GPR155: variants seen among roughly 807,000 people sequenced by gnomAD.
GPR155 encodes G protein-coupled receptor 155.
In GPR155, 65 loss-of-function variants were observed where a neutral mutation model predicts 93.1. That is an observed-to-expected ratio of 0.70 (90% confidence interval 0.57 to 0.86). The LOEUF is 0.86. Among genes scored for constraint, GPR155 ranks in the 40% least tolerant of loss-of-function variants. The probability of loss-of-function intolerance (pLI) is 0.00; values close to 1 mark genes in which losing one functional copy is unlikely to be tolerated. For missense variants in GPR155, 838 were observed against 1,034.8 expected, an observed-to-expected ratio of 0.81 and a Z score of 2.61; for synonymous variants, 319 against 360.1, an observed-to-expected ratio of 0.89 and a Z score of 1.29.
chr2:174,467,033 T>C (rs1360819156), intron 5 of GPR155, among the ~76,000 whole-genome samples: 1 of 151,930 alleles, frequency 6.6e-6, no homozygotes, highest in Non-Finnish European at 1.5e-5. Context: ...GGCGGGCGCC[T>C]GTAATCCCAG....
intron 1 of GPR155, among the ~76,000 whole-genome samples, chr2:174,485,325 A>G (rs886341599): frequency 3.3e-5 from 5 of 152,188 alleles, no homozygotes; most frequent in African/African-American, 1.2e-4. Flanking sequence ...GGCCGGGCGC[A>G]GTGGCTCACG....
rs751618367 is a variant in GPR155 at position 174,465,824 on chromosome 2, G to A, written c.1345C>T (p.Leu449=). ...NFVGQILVFV[L]LYSSLYSTYL... The stretch of plus-strand genomic sequence containing the variant: ...GTGCTATAGAGGGAGCTGTACAATA[G>A]AACAAACACCAAAATTTGTCCAACA... The change falls in exon 7 of 16, where the codon CTA becomes TTA. Residue 449 remains leucine (L), a synonymous_variant. Transcript: ENST00000392552. 8 of 1,605,628 alleles carry A rather than the reference G, an allele frequency of 5.0e-6. No individual in the cohort carries two copies. The highest frequency in any genetic ancestry group is 6.8e-6 in the Non-Finnish European group (8 of 1,173,170).
chr2:174,448,910 CT>C (rs1376746881), intron 11 of GPR155, among the ~76,000 whole-genome samples: 2 of 152,122 alleles, frequency 1.3e-5, no homozygotes, highest in Non-Finnish European at 2.9e-5. Context: ...AACTAAAGAG[CT>C]TCTGCATAGC....
intron 11 of GPR155, among the ~76,000 whole-genome samples, chr2:174,450,696 A>T (rs1490206236): frequency 6.6e-6 from 1 of 152,172 alleles, no homozygotes; most frequent in African/African-American, 2.4e-5. Flanking sequence ...TTTTTTTTAC[A>T]AAATAGATGT....
intron 3 of GPR155, among the ~76,000 whole-genome samples, chr2:174,470,800 A>G (rs1687973875): frequency 6.6e-6 from 1 of 152,210 alleles, no homozygotes; most frequent in Non-Finnish European, 1.5e-5. Flanking sequence ...AGGAGGGAAA[A>G]AAAGATGTTT....
intron 14 of GPR155, among the ~76,000 whole-genome samples, chr2:174,441,723 TTGTGTGTGTGTGTGTG>T (rs3043735): frequency 6.8e-6 from 1 of 148,092 alleles, no homozygotes; most frequent in Non-Finnish European, 1.5e-5. Flanking sequence ...ATCAGTATCT[TTGTGTGTGTGTGTGTG>T]TGTGTGTGTG....
At position 174,441,421 on chromosome 2, in the gene GPR155, AT is replaced by A. The variant is rs1224167269; in HGVS notation, c.2174+697del. On this transcript the variant is annotated intron_variant, in intron 14 of 15. Coordinates refer to ENST00000392552, the MANE Select transcript of GPR155 (RefSeq NM_152529.7). ...ATTAAAATATATATATATTTAAAAA[AT>A]TTTTTTTAATTTTTATTTTTATTAT... 3.3e-5 allele frequency among the ~76,000 whole-genome samples: 5 copies of A among 151,206 alleles called. No homozygotes were observed. The East Asian group carries it at 9.7e-4, about 29-fold the overall frequency.
chr2:174,470,756 C>A (rs1687972319), intron 3 of GPR155, among the ~76,000 whole-genome samples: 1 of 151,958 alleles, frequency 6.6e-6, no homozygotes, highest in Admixed American at 6.6e-5. Flanking sequence ...TAAAGTGTAA[C>A]AATATTCTGG....
In GPR155 at chr2:174,436,188, T is replaced by C; in HGVS notation, c.2541A>G (p.Ala847=). ...TATATCTTTCCTGTTGGAGAGTGTTTGCATTAATAGCAGGAGGACTCTGTT... is the reference window on the plus strand; with the variant it reads ...TATATCTTTCCTGTTGGAGAGTGTTCGCATTAATAGCAGGAGGACTCTGTT... ...SPEQSPPAIN[A]NTLQQERYKE... The change falls in exon 16 of 16, where the codon GCA becomes GCG. Residue 847 remains alanine (A), a synonymous_variant. Transcript: ENST00000392552. The C allele has an allele frequency of 6.2e-7, 1 of 1,613,952 alleles. No homozygotes were observed. Among genetic ancestry groups the C allele is most frequent in the Non-Finnish European group, 8.5e-7 (1 of 1,179,790 alleles).
intron 1 of GPR155, among the ~76,000 whole-genome samples, chr2:174,485,474 G>A (rs1026048370): frequency 1.3e-5 from 2 of 151,926 alleles, no homozygotes; most frequent in African/African-American, 2.4e-5. Flanking sequence ...GCAGATGCCT[G>A]TAATCCCAGC....
intron 14 of GPR155, among the ~76,000 whole-genome samples, chr2:174,441,299 T>C (rs1686950898): frequency 6.6e-6 from 1 of 152,002 alleles, no homozygotes; most frequent in Non-Finnish European, 1.5e-5. Flanking sequence ...TATATTTTCT[T>C]AGGTTTATAA....
intron 15 of GPR155, among the ~76,000 whole-genome samples, chr2:174,439,431 A>G (rs2105663486): frequency 6.6e-6 from 1 of 152,328 alleles, no homozygotes; most frequent in Non-Finnish European, 1.5e-5. Flanking sequence ...GTCACAGACT[A>G]AAGATTAGAA....
chr2:174,442,706 TA>T (rs35803451), intron 13 of GPR155, among the ~76,000 whole-genome samples: 37,996 of 152,062 alleles, frequency 0.25, 5,695 homozygotes, highest in Middle Eastern at 0.47. Context: ...TAGGACAATT[TA>T]AAGACTCTTT....
At position 174,468,933 on chromosome 2, in the gene GPR155, A is replaced by G; in HGVS notation, c.1161T>C (p.Ser387=). 6.2e-7 allele frequency: 1 copy of G among 1,613,990 alleles called. No homozygotes were observed. The highest frequency in any genetic ancestry group is 1.3e-5 in the African/African-American group (1 of 75,064). ...TTACCAAGGAGATCAGGCTGACAATACTTATATCAAAACTAACATTCTGGA... is the reference window on the plus strand; with the variant it reads ...TTACCAAGGAGATCAGGCTGACAATGCTTATATCAAAACTAACATTCTGGA... ...YAIQNVSFDI[S]IVSLISLIWS... Residue 387 remains serine, a synonymous_variant, in exon 5 of 16, where the codon AGT becomes AGC. Transcript: ENST00000392552.
chr2:174,450,351 T>TA (rs1172263757), intron 11 of GPR155, among the ~76,000 whole-genome samples: 1 of 152,012 alleles, frequency 6.6e-6, no homozygotes, highest in Admixed American at 6.6e-5. Context: ...GGGCAAGGGC[T>TA]AAAAAACTAC....
intron 10 of GPR155, among the ~76,000 whole-genome samples, chr2:174,458,442 C>A (rs1687584532): frequency 6.6e-6 from 1 of 152,152 alleles, no homozygotes; most frequent in Non-Finnish European, 1.5e-5. Flanking sequence ...TCTGTGAATT[C>A]TTCTTAGGTA....
intron 4 of GPR155, among the ~76,000 whole-genome samples, chr2:174,470,032 T>C (rs1289365084): frequency 3.3e-5 from 5 of 152,228 alleles, no homozygotes; most frequent in Non-Finnish European, 5.9e-5. Flanking sequence ...CAGCTAATGT[T>C]TGTATTTTTA....
At chr2:174,461,935 G>A (rs1687709053) in intron 7 of GPR155, among the ~76,000 whole-genome samples, 2 of 151,476 alleles carry the variant, frequency 1.3e-5, no homozygotes, top group South Asian at 4.2e-4. Flanking sequence ...TTTCTCTCTG[G>A]TTTTTGTTGT....
rs200365350 is a variant in GPR155, at chr2:174,448,523, GT to G, written c.1877-1777del. On this transcript the variant is annotated intron_variant, in intron 11 of 15. Coordinates refer to ENST00000392552, the MANE Select transcript of GPR155 (RefSeq NM_152529.7). Reference sequence around the variant, plus strand: ...TATACTGGGAAGTTTTTTGTTTTTTGTTTTTTGTTTTTTTTTTTTTTTTTTG... The same window carrying G: ...TATACTGGGAAGTTTTTTGTTTTTTGTTTTTGTTTTTTTTTTTTTTTTTTG... 4.1e-3 allele frequency among the ~76,000 whole-genome samples: 417 copies of G among 102,928 alleles called. 1 individual carries two copies. The highest frequency in any genetic ancestry group is 9.2e-3 in the Admixed American group (86 of 9,332). 67.5% of individuals were successfully genotyped at this position (102,928 alleles called of 152,430 possible).
Sources: allele counts gnomAD v4.1 joint callset (sites outside exome capture counted in the v4.1 genomes callset), GRCh38; gene constraint gnomAD v4.1.1; transcripts MANE v1.5; gene names NCBI Gene and HGNC (gene_info 2026-07-23, HGNC 2026-07-21).